Variants in OXSR1 observed in about 807,000 individuals in gnomAD.
OXSR1 encodes the protein oxidative stress responsive kinase 1, also known as serine/threonine-protein kinase OSR1.
A neutral mutation model predicts 79.8 loss-of-function variants in OXSR1; 24 were observed. That is an observed-to-expected ratio of 0.30 (90% CI 0.22 to 0.42). The LOEUF (loss-of-function observed/expected upper bound fraction) is 0.42, where lower values mean the gene tolerates loss of function less well. OXSR1 is among the 10% of genes least tolerant of loss of function. OXSR1 has a pLI of 1.00. For missense variants in OXSR1, 430 were observed against 618.4 expected (o/e 0.70, Z 3.23); for synonymous variants, 226 against 209.2 (o/e 1.08, Z -0.69).
chr3:38,214,532 A>G (rs1702447506), intron 4 of OXSR1, among the ~76,000 whole-genome samples: 1 of 152,174 alleles, frequency 6.6e-6, no homozygotes, highest in Admixed American at 6.5e-5. Flanking sequence ...AGCTCAGAAA[A>G]GGGAGTTGGA....
intron 1 of OXSR1, among the ~76,000 whole-genome samples, chr3:38,171,258 C>A (rs555256179): frequency 1.3e-5 from 2 of 152,268 alleles, no homozygotes; most frequent in East Asian, 3.9e-4. Context: ...TATTCTTATT[C>A]TAACTTTGCT....
chr3:38,254,295 C>G lies in OXSR1; in HGVS notation c.*1404C>G, dbSNP rs538975798. On this transcript the variant is annotated 3_prime_UTR_variant, in exon 18 of 18. Coordinates refer to ENST00000311806, the MANE Select transcript of OXSR1 (RefSeq NM_005109.3). ...TGTTTTACCTTATTTTCTCTTGGAA[C>G]ATATCTGAAAACCTTCCCCACAAAT... 2.5e-6 allele frequency: 1 copy of G among 398,616 alleles called. No homozygotes were observed. Among genetic ancestry groups the G allele is most frequent in the East Asian group, 3.6e-5 (1 of 28,068 alleles). The allele number at this position is 398,616 out of a possible 1,614,324, so 24.7% of individuals were successfully genotyped here.
chr3:38,206,072 T>C (rs1702258598), intron 4 of OXSR1, among the ~76,000 whole-genome samples: 1 of 152,120 alleles, frequency 6.6e-6, no homozygotes, highest in Non-Finnish European at 1.5e-5. Flanking sequence ...AGTAAATCTC[T>C]AAAGAAAAAA....
At chr3:38,196,217 G>T (rs1702070029) in intron 3 of OXSR1, among the ~76,000 whole-genome samples, 2 of 152,006 alleles carry the variant, frequency 1.3e-5, no homozygotes, top group Admixed American at 1.3e-4. Flanking sequence ...CCTACTTTAG[G>T]TATTAATTGG....
Position 38,242,781 on chromosome 3 carries a change from A to G in OXSR1, c.1110+3A>G, listed in dbSNP as rs1187828996. ...AAGAATCAATATCAAATTCTGAGGTAAGTAATTGTGATTATTGAATCCTTG... is the reference window on the plus strand; with the variant it reads ...AAGAATCAATATCAAATTCTGAGGTGAGTAATTGTGATTATTGAATCCTTG... On this transcript the variant is annotated splice_donor_region_variant and intron_variant, in intron 12 of 17. Transcript: ENST00000311806. The G allele has an allele frequency of 4.6e-6, 7 of 1,519,550 alleles. No homozygotes were observed. Among genetic ancestry groups the G allele is most frequent in the Admixed American group, 1.8e-5 (1 of 55,578 alleles). The allele number at this position is 1,519,550 out of a possible 1,614,324, so 94.1% of individuals were successfully genotyped here. A position where few individuals can be genotyped will look rare whatever the true frequency, so the allele number is the denominator to read the frequency against.
intron 3 of OXSR1, among the ~76,000 whole-genome samples, chr3:38,196,210 A>G (rs1026624919): frequency 6.6e-6 from 1 of 152,158 alleles, no homozygotes. Context: ...CATTATTCCT[A>G]CTTTAGGTAT....
At chr3:38,173,222 A>G (rs7625114) in intron 1 of OXSR1, among the ~76,000 whole-genome samples, 5,967 of 152,318 alleles carry the variant, frequency 0.039, 226 homozygotes, top group African/African-American at 0.099. Flanking sequence ...TTACTAAAGA[A>G]GGGGAAATTG....
Position 38,166,102 on chromosome 3 carries a change from C to A in OXSR1, c.70+156C>A, listed in dbSNP as rs1006092193. On this transcript the variant is annotated intron_variant, in intron 1 of 17. Transcript: ENST00000311806. ...CTTGTAGGACGCTTGTGTCGAGGAG[C>A]GCGTGTGAGACGGGAAGGGGGTTTT... Among the ~76,000 whole-genome samples, 71 of 145,894 alleles carry A rather than the reference C, an allele frequency of 4.9e-4. 2 individuals are homozygous for A. Among genetic ancestry groups the A allele is most frequent in the East Asian group, 2.4e-3 (12 of 4,966 alleles).
chr3:38,234,999 G>A (rs1234348658), intron 10 of OXSR1, among the ~76,000 whole-genome samples: 1 of 152,168 alleles, frequency 6.6e-6, no homozygotes, highest in Non-Finnish European at 1.5e-5. Flanking sequence ...ACCACATGTT[G>A]TGTGATTCAA....
Position 38,190,763 on chromosome 3 carries a change from T to C in OXSR1, c.216T>C (p.His72=). Residue 72 remains histidine, a synonymous_variant, in exon 3 of 18, where the codon CAT becomes CAC. Coordinates refer to ENST00000311806, the MANE Select transcript of OXSR1 (RefSeq NM_005109.3). ...TTCAAGCCATGAGTCAATGCCATCA[T>C]CCTAATATTGTATCTTACTACACAT... is the stretch of plus-strand genomic sequence containing the variant. ...KEIQAMSQCH[H]PNIVSYYTSF... 6.2e-7 allele frequency: 1 copy of C among 1,604,740 alleles called. No homozygotes were observed. Among genetic ancestry groups the C allele is most frequent in the Admixed American group, 1.7e-5 (1 of 59,930 alleles).
At chr3:38,205,184 A>G (rs1479391328) in intron 4 of OXSR1, among the ~76,000 whole-genome samples, 5 of 152,194 alleles carry the variant, frequency 3.3e-5, no homozygotes, top group East Asian at 3.8e-4. Flanking sequence ...TGACAATTCA[A>G]GACTGTCTTT....
chr3:38,220,443 A>G (rs1702566215), intron 5 of OXSR1, among the ~76,000 whole-genome samples: 1 of 152,192 alleles, frequency 6.6e-6, no homozygotes, highest in Non-Finnish European at 1.5e-5. Context: ...AACATAATGC[A>G]GAGTATTCTG....
chr3:38,223,908 A>G lies in OXSR1; in HGVS notation c.697A>G (p.Met233Val). ...GGCTCCTTATCATAAATATCCACCA[A>G]TGAAGGTGAGGCTTGTATTCCAAAT... ...GAAPYHKYPP[M>V]KVLMLTLQND... The change falls in exon 7 of 18, where the codon ATG (methionine) becomes GTG (valine). Residue 233 changes from methionine to valine, a missense_variant. Met to Val is a conservative substitution (Grantham distance 21, BLOSUM62 1). Transcript: ENST00000311806. 6.3e-7 allele frequency: 1 copy of G among 1,589,698 alleles called. No homozygotes were observed. Among genetic ancestry groups the G allele is most frequent in the Admixed American group, 1.7e-5 (1 of 59,110 alleles).
At chr3:38,237,186 C>T (rs1333947508) in intron 11 of OXSR1, among the ~76,000 whole-genome samples, 1 of 152,028 alleles carries the variant, frequency 6.6e-6, no homozygotes, top group Non-Finnish European at 1.5e-5. Context: ...AATCTAGAGA[C>T]GAAAGCTGCA....
intron 4 of OXSR1, among the ~76,000 whole-genome samples, chr3:38,203,513 T>A (rs996759486): frequency 9.2e-5 from 14 of 152,292 alleles, no homozygotes; most frequent in Admixed American, 3.9e-4. Context: ...CTGGTTAATT[T>A]AAAAAAAATT....
chr3:38,166,789 C>CAAAAAAAAA (rs915290107), intron 1 of OXSR1, among the ~76,000 whole-genome samples: 1 of 63,824 alleles, frequency 1.6e-5, no homozygotes, highest in African/African-American at 6.5e-5. Flanking sequence ...GACTCTGACT[C>CAAAAAAAAA]AAAAAAAAAA....
At chr3:38,228,452 G>A (rs531152428) in intron 8 of OXSR1, among the ~76,000 whole-genome samples, 5 of 152,212 alleles carry the variant, frequency 3.3e-5, no homozygotes, top group African/African-American at 7.2e-5. Context: ...ATCATCTGAG[G>A]TGCTGGTTCT....
chr3:38,193,936 T>A (rs182687229), intron 3 of OXSR1, among the ~76,000 whole-genome samples: 2 of 152,340 alleles, frequency 1.3e-5, no homozygotes, highest in East Asian at 3.9e-4. Context: ...TGAAATCTTT[T>A]GTTGTTATAA....
intron 10 of OXSR1, among the ~76,000 whole-genome samples, chr3:38,236,486 A>T (rs545311701): frequency 6.6e-6 from 1 of 152,130 alleles, no homozygotes; most frequent in African/African-American, 2.4e-5. Flanking sequence ...AAAAAATAAC[A>T]GATTTTAAAT....
Sources: gnomAD v4.1 joint callset for allele counts (sites outside exome capture counted in the v4.1 genomes callset) on GRCh38, gnomAD v4.1.1 for gene constraint, MANE v1.5 for transcripts, NCBI Gene and HGNC (gene_info 2026-07-23, HGNC 2026-07-21) for gene names.